The following HNRNPH1 variants were observed in gnomAD, a reference collection of about 807,000 sequenced individuals.
The protein encoded by HNRNPH1 is heterogeneous nuclear ribonucleoprotein H.
HNRNPH1 carries 4 observed loss-of-function variants against 58.6 expected under a neutral mutation model. The ratio of observed to expected loss-of-function variants is 0.07; its 90% CI spans 0.03 to 0.16. The LOEUF is 0.16. HNRNPH1 is among the 10% of genes least tolerant of loss of function. The pLI is 1.00. For missense variants in HNRNPH1, 271 were observed against 564.2 expected, an observed-to-expected ratio of 0.48 and a Z score of 5.26; for synonymous variants, 192 against 189.2, an observed-to-expected ratio of 1.01 and a Z score of -0.12.
At position 179,615,541 on chromosome 5, in the gene HNRNPH1, T is replaced by C; in HGVS notation, c.*5A>G. 2 of 1,468,100 alleles carry C rather than the reference T, an allele frequency of 1.4e-6. No homozygotes were observed. Among genetic ancestry groups the C allele is most frequent in the Non-Finnish European group, 1.9e-6 (2 of 1,054,908 alleles). The allele number at this position is 1,468,100 out of a possible 1,614,324, so 90.9% of individuals were successfully genotyped here. ...GGAATTTATATTTTTTGAGAAAATA[T>C]TTACCTATGCAATGTTTGATTGAAA... is the stretch of plus-strand genomic sequence containing the variant. On this transcript the variant is annotated splice_donor_5th_base_variant and intron_variant, in intron 12 of 12. Transcript: ENST00000356731.
At chr5:179,622,637 G>T (rs775318236) in intron 1 of HNRNPH1, among the ~76,000 whole-genome samples, 2 of 152,212 alleles carry the variant, frequency 1.3e-5, no homozygotes, top group African/African-American at 2.4e-5. Flanking sequence ...CTTGAACCCA[G>T]GAGGCGGAGG....
At chr5:179,628,692 C>G (rs1219290271), upstream of HNRNPH1, among the ~76,000 whole-genome samples, 2 of 152,182 alleles carry the variant, frequency 1.3e-5, no homozygotes, top group Non-Finnish European at 2.9e-5. Context: ...GTACTCCTAG[C>G]TCTCTGGGAG....
At chr5:179,614,784 G>GAAAAAAAAAAAAA in exon 13 of HNRNPH1, 1 of 444,358 alleles carries the variant, frequency 2.3e-6, no homozygotes, top group African/African-American at 2.5e-5. Context: ...TTTTCTTAAA[G>GAAAAAAAAAAAAA]AAAAAAAAAA....
At chr5:179,621,389 T>C (rs1214839044) in exon 2 of HNRNPH1, 1 of 1,612,846 alleles carries the variant, frequency 6.2e-7, no homozygotes, top group Non-Finnish European at 8.5e-7. Flanking sequence ...CCATTTTGAA[T>C]TTTGCAGTCT....
chr5:179,622,539 C>T (rs933920770), intron 1 of HNRNPH1, among the ~76,000 whole-genome samples: 4 of 152,040 alleles, frequency 2.6e-5, no homozygotes, highest in Non-Finnish European at 4.4e-5. Context: ...AGTGAAACCC[C>T]GTCTCTACTA....
Position 179,617,792 on chromosome 5 carries a change from C to A in HNRNPH1, c.921+7G>T, listed in dbSNP as rs1285797066. ...AATATTGACTTGTGAGTTCATCTCA[C>A]ACTTACATTATAAATGTCATTCTCA... On this transcript the variant is annotated splice_region_variant and intron_variant, in intron 7 of 12. Transcript: ENST00000356731. 3 of 1,613,414 alleles carry A rather than the reference C, an allele frequency of 1.9e-6. No individual in the cohort carries two copies. The African/African-American group carries it at 4.0e-5, about 22-fold the overall frequency.
At chr5:179,619,438 G>A (rs1420293198) in intron 3 of HNRNPH1, 31 bp from the exon 5 acceptor site, 4 of 1,582,594 alleles carry the variant, frequency 2.5e-6, no homozygotes, top group Non-Finnish European at 1.7e-6. Flanking sequence ...ACCCCAGTAG[G>A]GGGGCAATAT....
exon 13 of HNRNPH1, chr5:179,614,784 G>GAGAA: frequency 2.3e-6 from 1 of 444,358 alleles, no homozygotes; most frequent in African/African-American, 2.5e-5. Flanking sequence ...TTTTCTTAAA[G>GAGAA]AAAAAAAAAA....
chr5:179,618,076 C>G lies in HNRNPH1; in HGVS notation c.716-16G>C, dbSNP rs200553004. 6.2e-7 allele frequency: 1 copy of G among 1,613,130 alleles called. No homozygotes were observed. Among genetic ancestry groups the G allele is most frequent in the Non-Finnish European group, 8.5e-7 (1 of 1,179,200 alleles). Reference sequence around the variant, plus strand: ...CCTCCATAGCCTGAAAGACAAAGTACAATCAATCAAATAAAACACCTAGAC... The same window carrying G: ...CCTCCATAGCCTGAAAGACAAAGTAGAATCAATCAAATAAAACACCTAGAC... On this transcript the variant is annotated splice_polypyrimidine_tract_variant and intron_variant, in intron 5 of 12. Transcript: ENST00000356731.
intron 1 of HNRNPH1, chr5:179,622,027 A>T: frequency 4.4e-6 from 2 of 455,222 alleles, no homozygotes; most frequent in South Asian, 3.1e-5. Flanking sequence ...AAAAGCTGTT[A>T]ATTTCATCCA....
At chr5:179,623,208 G>A (rs2127712094) in exon 1 of HNRNPH1, 3 of 1,118,852 alleles carry the variant, frequency 2.7e-6, no homozygotes, top group Non-Finnish European at 3.9e-6. Flanking sequence ...CAATTAAGCT[G>A]TCCTTCGCCT....
At chr5:179,617,899 T>C in exon 7 of HNRNPH1, 2 of 1,614,078 alleles carry the variant, frequency 1.2e-6, no homozygotes, top group Non-Finnish European at 1.7e-6. Context: ...CCCGTATCTG[T>C]GATCAGACAT....
upstream of HNRNPH1, among the ~76,000 whole-genome samples, chr5:179,627,905 G>A (rs574472072): frequency 6.8e-6 from 1 of 147,462 alleles, no homozygotes; most frequent in East Asian, 2.1e-4. Context: ...CTGGGCAACA[G>A]AGGGAGATTC....
At chr5:179,621,615 T>C (rs1298635751) in intron 1 of HNRNPH1, 4 of 561,184 alleles carry the variant, frequency 7.1e-6, no homozygotes, top group African/African-American at 5.6e-5. Context: ...ACATACAATA[T>C]TCAAAGCAGT....
intron 2 of HNRNPH1, among the ~76,000 whole-genome samples, chr5:179,633,461 A>ATTTTTTTTTTTTTTTTTT (rs762139490): frequency 6.8e-5 from 7 of 102,602 alleles, no homozygotes; most frequent in Non-Finnish European, 5.5e-5. Flanking sequence ...CACCCGGCTA[A>ATTTTTTTTTTTTTTTTTT]TTTTTTTTTT....
exon 3 of HNRNPH1, chr5:179,620,923 A>G (rs767934872): frequency 6.2e-7 from 1 of 1,614,064 alleles, no homozygotes; most frequent in African/African-American, 1.3e-5. Flanking sequence ...CTTCCTTGCT[A>G]CATCCAAAGG....
upstream of HNRNPH1, among the ~76,000 whole-genome samples, chr5:179,626,632 C>T (rs1394935782): frequency 6.7e-6 from 1 of 149,888 alleles, no homozygotes. Flanking sequence ...AGGAGAATCA[C>T]TTGAACCTGG....
upstream of HNRNPH1, among the ~76,000 whole-genome samples, chr5:179,627,219 G>C (rs892748047): frequency 1.3e-5 from 2 of 151,984 alleles, no homozygotes. Context: ...TTTTTTGTTT[G>C]TTTTACAGAC....
At chr5:179,624,092 C>T (rs1232101092) in exon 1 of HNRNPH1, 2 of 161,046 alleles carry the variant, frequency 1.2e-5, no homozygotes, top group African/African-American at 4.8e-5. Context: ...CCCCCAGGCT[C>T]TTACCGGCGC....
Sources: gnomAD v4.1 joint callset for allele counts (sites outside exome capture counted in the v4.1 genomes callset) on GRCh38, gnomAD v4.1.1 for gene constraint, MANE v1.5 for transcripts, NCBI Gene and HGNC (gene_info 2026-07-23, HGNC 2026-07-21) for gene names.